Variants in SESTD1 observed in about 807,000 individuals in gnomAD.
The protein encoded by SESTD1 is SEC14 domain and spectrin repeat-containing protein 1.
A neutral mutation model predicts 101.7 loss-of-function variants in SESTD1; 43 were observed. The observed-to-expected ratio is 0.42, with a 90% CI of 0.33 to 0.55. The LOEUF (loss-of-function observed/expected upper bound fraction) is 0.55. SESTD1 is among the 20% of genes least tolerant of loss of function. SESTD1 has a pLI of 0.07. For missense variants in SESTD1, 647 were observed against 815.1 expected (o/e 0.79, Z 2.51); for synonymous variants, 283 against 286.8 (o/e 0.99, Z 0.13).
rs199509609 is a variant in SESTD1 at position 179,156,629 on chromosome 2, A to G, written c.370-5238T>C. ...TTGGCCATTTGTATATCTTCTTTTG[A>G]GAATTGTCTATTCATGTCCTTAGCC... On this transcript the variant is annotated intron_variant, in intron 5 of 17. Coordinates refer to ENST00000428443, the MANE Select transcript of SESTD1 (RefSeq NM_178123.5). 2.1e-3 allele frequency among the ~76,000 whole-genome samples: 322 copies of G among 152,234 alleles called. 1 individual carries two copies. Among genetic ancestry groups the G allele is most frequent in the East Asian group, 0.014 (74 of 5,188 alleles).
intron 5 of SESTD1, chr2:179,162,469 G>GT (rs2045754331): frequency 6.6e-6 from 1 of 152,122 alleles, no homozygotes; most frequent in South Asian, 2.1e-4. Flanking sequence ...GATCAATGCA[G>GT]TATGTCACTG....
At chr2:179,215,294 A>C (rs1221328245) in intron 1 of SESTD1, among the ~76,000 whole-genome samples, 2 of 135,436 alleles carry the variant, frequency 1.5e-5, no homozygotes. Flanking sequence ...GCAATAAAAA[A>C]TGATAAACGG....
chr2:179,193,870 C>G (rs2046353313), intron 1 of SESTD1, among the ~76,000 whole-genome samples: 1 of 152,162 alleles, frequency 6.6e-6, no homozygotes, highest in Non-Finnish European at 1.5e-5. Flanking sequence ...GATCAGGAAT[C>G]CTCCCGGCCA....
intron 9 of SESTD1, among the ~76,000 whole-genome samples, chr2:179,133,691 G>T (rs1301577357): frequency 6.6e-6 from 1 of 152,162 alleles, no homozygotes; most frequent in Non-Finnish European, 1.5e-5. Flanking sequence ...CCAGTGGGTA[G>T]GCTTAACGTA....
At position 179,135,624 on chromosome 2, in the gene SESTD1, A is replaced by C. The variant is rs572278017; in HGVS notation, c.850-3198T>G. The stretch of plus-strand genomic sequence containing the variant: ...CAAAAATTAGCCAGGCGTGGTATGC[A>C]CATCTATAGTCCCAGCTGCTCAGGA... On this transcript the variant is annotated intron_variant, in intron 9 of 17. Transcript: ENST00000428443. Among the ~76,000 whole-genome samples the C allele has an allele frequency of 9.2e-5, 14 of 152,160 alleles. No individual in the cohort carries two copies. The South Asian group carries it at 2.9e-3, about 32-fold the overall frequency.
chr2:179,187,625 T>C (rs915856328), intron 2 of SESTD1, among the ~76,000 whole-genome samples: 16 of 151,954 alleles, frequency 1.1e-4, no homozygotes, highest in African/African-American at 3.9e-4. Context: ...CAGAACGAGA[T>C]CCTGTCTCAA....
chr2:179,115,262 A>G lies in SESTD1; in HGVS notation c.1648-6T>C. The G allele has an allele frequency of 6.4e-7, 1 of 1,561,270 alleles. No individual in the cohort carries two copies. The highest frequency in any genetic ancestry group is 8.6e-7 in the Non-Finnish European group (1 of 1,159,154). On this transcript the variant is annotated splice_region_variant and splice_polypyrimidine_tract_variant and intron_variant, in intron 15 of 17. Transcript: ENST00000428443. ...CTGCCATAGTCATAAGTGCTCTAAA[A>G]AAGAAAAGGAAACATAAAATTGTAA...
chr2:179,170,705 AATTAGAG>A, intron 5 of SESTD1, among the ~76,000 whole-genome samples: 1 of 152,312 alleles, frequency 6.6e-6, no homozygotes, highest in East Asian at 1.9e-4. Context: ...ACCAAGGCAT[AATTAGAG>A]AGTTGAAACT....
At chr2:179,146,270 C>T (rs914967957) in intron 8 of SESTD1, 132 bp downstream of exon 8, 3 of 782,358 alleles carry the variant, frequency 3.8e-6, no homozygotes, top group Non-Finnish European at 6.4e-6. Flanking sequence ...AAACCAGTCC[C>T]TGGTCCTCAA....
intron 14 of SESTD1, 152 bp downstream of exon 14, chr2:179,117,380 C>G: frequency 1.7e-6 from 1 of 594,380 alleles, no homozygotes; most frequent in Non-Finnish European, 2.8e-6. Flanking sequence ...CTGGGAATAC[C>G]AAAGTGTATT....
Position 179,190,793 on chromosome 2 carries a change from C to A in SESTD1, c.55+994G>T, listed in dbSNP as rs187711519. On this transcript the variant is annotated intron_variant, in intron 2 of 17. Transcript: ENST00000428443. ...AACAAGCATGCACATCACAGATAATCACAGGAATGCAATCAAATTGACAAT... is the reference window on the plus strand; with the variant it reads ...AACAAGCATGCACATCACAGATAATAACAGGAATGCAATCAAATTGACAAT... Among the ~76,000 whole-genome samples, 5 of 152,192 alleles carry A rather than the reference C, an allele frequency of 3.3e-5. No homozygotes were observed. In the East Asian group the frequency reaches 9.7e-4, roughly 29 times the overall value.
At chr2:179,185,785 GTATACAATATATAATATAGCATAT>G (rs2046217102) in intron 2 of SESTD1, among the ~76,000 whole-genome samples, 1 of 115,544 alleles carries the variant, frequency 8.7e-6, no homozygotes, top group Admixed American at 1.1e-4. Context: ...ATACAATATA[GTATACAATATATAATATAGCATAT>G]ACAATATAGT....
intron 2 of SESTD1, among the ~76,000 whole-genome samples, chr2:179,188,391 G>A (rs2046267466): frequency 6.6e-6 from 1 of 152,146 alleles, no homozygotes; most frequent in Non-Finnish European, 1.5e-5. Context: ...TGAAAACAGT[G>A]ATACAACGTA....
Position 179,124,436 on chromosome 2 carries a change from T to C in SESTD1, c.1095A>G (p.Arg365=). 6.2e-7 allele frequency: 1 copy of C among 1,614,158 alleles called. No individual in the cohort carries two copies. The change falls in exon 11 of 18, where the codon CGA becomes CGG. Residue 365 remains arginine, a synonymous_variant. Coordinates refer to ENST00000428443, the MANE Select transcript of SESTD1 (RefSeq NM_178123.5). ...LQQQLSDVCY[R]QASQLEFRQN... ...GCCTAAATTCCAGCTGACTGGCCTG[T>C]CGATAACAAACATCACTAAGTTGTT...
At chr2:179,215,712 C>T (rs2046710816) in intron 1 of SESTD1, among the ~76,000 whole-genome samples, 1 of 134,830 alleles carries the variant, frequency 7.4e-6, no homozygotes, top group Admixed American at 7.2e-5. Flanking sequence ...AGACCAATAT[C>T]CCCGATGAAC....
chr2:179,198,086 A>C (rs1181473908), intron 1 of SESTD1, among the ~76,000 whole-genome samples: 1 of 152,216 alleles, frequency 6.6e-6, no homozygotes, highest in African/African-American at 2.4e-5. Context: ...AGAGACACAC[A>C]TAGGCTCAAA....
chr2:179,185,292 A>G (rs1427864367), intron 2 of SESTD1, among the ~76,000 whole-genome samples: 2 of 149,728 alleles, frequency 1.3e-5, no homozygotes, highest in Non-Finnish European at 3.0e-5. Flanking sequence ...TATTTACAAA[A>G]TCATCATTCA....
At position 179,117,532 on chromosome 2, in the gene SESTD1, C is replaced by G. The variant is rs765598512; in HGVS notation, c.1524G>C (p.Gln508His). The change falls in exon 14 of 18, where the codon CAG becomes CAC. Residue 508 changes from glutamine (Q) to histidine (H), a missense_variant and splice_region_variant. Transcript: ENST00000428443. ...CATAATGTAGCTGACTGCTCCTTAC[C>G]TGGGCAGCATCTTCTTCACATTTAA... is the stretch of plus-strand genomic sequence containing the variant. ...QLFKCEEDAA[Q>H]AVEWLSELLD... 1 of 1,570,706 alleles carries G rather than the reference C, an allele frequency of 6.4e-7. No individual in the cohort carries two copies.
At chr2:179,248,584 T>C (rs1026427283) in intron 1 of SESTD1, among the ~76,000 whole-genome samples, 1 of 151,824 alleles carries the variant, frequency 6.6e-6, no homozygotes, top group Non-Finnish European at 1.5e-5. Flanking sequence ...TAGAAAATCA[T>C]GTCAACAAGC....
Sources: gnomAD v4.1 joint callset for allele counts (sites outside exome capture counted in the v4.1 genomes callset) on GRCh38, gnomAD v4.1.1 for gene constraint, MANE v1.5 for transcripts, NCBI Gene and HGNC (gene_info 2026-07-23, HGNC 2026-07-21) for gene names.